Variants in RAD51D observed in about 807,000 individuals in gnomAD.
RAD51D encodes DNA repair protein RAD51 homolog 4.
A neutral mutation model predicts 44.1 loss-of-function variants in RAD51D; 38 were observed. The observed-to-expected ratio is 0.86, with a 90% CI of 0.67 to 1.13. RAD51D has a LOEUF of 1.13. Ranked by LOEUF, RAD51D falls within the 50% of genes most tolerant of loss-of-function variation. The pLI, the probability that RAD51D is intolerant of heterozygous loss-of-function variation, is 0.00. For missense variants in RAD51D, 390 were observed against 414.0 expected (o/e 0.94, Z 0.50); for synonymous variants, 141 against 166.6 (o/e 0.85, Z 1.18).
In RAD51D at chr17:35,095,916, G is replaced by C. The variant is rs922836729; in HGVS notation, c.*5037C>G. 6.6e-6 allele frequency: 1 copy of C among 152,156 alleles called. No homozygotes were observed. Among genetic ancestry groups the C allele is most frequent in the South Asian group, 2.1e-4 (1 of 4,822 alleles). 9.4% of individuals were successfully genotyped at this position (152,156 alleles called of 1,614,324 possible). A position where few individuals can be genotyped will look rare whatever the true frequency, so the allele number is the denominator to read the frequency against. On this transcript the variant is annotated 3_prime_UTR_variant, in exon 10 of 10. Transcript: ENST00000345365. The stretch of plus-strand genomic sequence containing the variant: ...TATACTTTTGTAACAGATTGCTGAG[G>C]CTCAGCCAATCACATCATCAGCTTC...
intron 3 of RAD51D, among the ~76,000 whole-genome samples, chr17:35,107,974 T>G (rs938838522): frequency 8.6e-5 from 13 of 151,806 alleles, no homozygotes; most frequent in African/African-American, 2.9e-4. Flanking sequence ...GGTCTCAAAC[T>G]CCTGACCTCA....
At chr17:35,112,847 G>A (rs1305582439) in intron 3 of RAD51D, among the ~76,000 whole-genome samples, 5 of 152,166 alleles carry the variant, frequency 3.3e-5, no homozygotes, top group Non-Finnish European at 5.9e-5. Context: ...AGAGCACCAT[G>A]GGGCAAGGAC....
rs2091476270 is a variant in RAD51D at position 35,094,650 on chromosome 17, T to A, written c.*6303A>T. 6.6e-6 allele frequency: 1 copy of A among 152,234 alleles called. No homozygotes were observed. The highest frequency in any genetic ancestry group is 1.5e-5 in the Non-Finnish European group (1 of 68,048). The allele number at this position is 152,234 out of a possible 1,614,324, so 9.4% of individuals were successfully genotyped here. On this transcript the variant is annotated 3_prime_UTR_variant, in exon 10 of 10. Transcript: ENST00000345365. ...AAAGAATTTTGTGGAAACATTTACA[T>A]ATTTACAGCAGAAGGCAGCGTGCAG...
At chr17:35,105,347 G>A (rs920672649) in intron 6 of RAD51D, among the ~76,000 whole-genome samples, 4 of 152,144 alleles carry the variant, frequency 2.6e-5, no homozygotes, top group African/African-American at 9.7e-5. Flanking sequence ...CTAAGGTACA[G>A]TGGTATGATC....
Position 35,119,691 on chromosome 17 carries a change from C to T in RAD51D, c.-78G>A. The T allele has an allele frequency of 1.4e-6, 2 of 1,427,560 alleles. No individual in the cohort carries two copies. Among genetic ancestry groups the T allele is most frequent in the Middle Eastern group, 1.7e-4 (1 of 5,718 alleles). 88.4% of individuals were successfully genotyped at this position (1,427,560 alleles called of 1,614,324 possible). A position where few individuals can be genotyped will look rare whatever the true frequency, so the allele number is the denominator to read the frequency against. On this transcript the variant is annotated 5_prime_UTR_variant, in exon 1 of 10. Coordinates refer to ENST00000345365, the MANE Select transcript of RAD51D (RefSeq NM_002878.4). ...CGCGGGGGGTCCTCTCCAGACGCCC[C>T]TCCCCTACCCCTTCCTAGAGAGGAC...
chr17:35,118,733 G>T, intron 2 of RAD51D, 114 bp from the exon 3 acceptor site: 2 of 851,116 alleles, frequency 2.3e-6, no homozygotes, highest in African/African-American at 1.7e-5. Context: ...CTTTGGCTTG[G>T]GATGGACTTT....
chr17:35,118,247 A>G (rs1159211582), intron 3 of RAD51D, among the ~76,000 whole-genome samples: 1 of 152,112 alleles, frequency 6.6e-6, no homozygotes, highest in East Asian at 1.9e-4. Flanking sequence ...GCTGCTAAAC[A>G]TCCTACACTG....
chr17:35,103,566 A>T lies in RAD51D; in HGVS notation c.577-22T>A. The T allele has an allele frequency of 1.3e-6, 2 of 1,590,958 alleles. No individual in the cohort carries two copies. Among genetic ancestry groups the T allele is most frequent in the Non-Finnish European group, 1.7e-6 (2 of 1,159,028 alleles). On this transcript the variant is annotated intron_variant, in intron 6 of 9. Transcript: ENST00000345365. This position sits in a 1 kb window ranked among gnomAD's most constrained non-coding sequence, Gnocchi z 4.1. ...TCACCTGAAGGAATGTGGGGGAAGC[A>T]CTCATGAACCTGTCAGCCTCTAGGA...
At chr17:35,116,586 C>A (rs755660402) in intron 3 of RAD51D, among the ~76,000 whole-genome samples, 41 of 152,208 alleles carry the variant, frequency 2.7e-4, no homozygotes, top group Non-Finnish European at 5.0e-4. Flanking sequence ...GCTCCGCTTC[C>A]CGGGTTCATG....
intron 3 of RAD51D, among the ~76,000 whole-genome samples, chr17:35,117,856 AT>A (rs1172789920): frequency 6.6e-6 from 1 of 152,116 alleles, no homozygotes; most frequent in African/African-American, 2.4e-5. Context: ...GATGTGGTGA[AT>A]AAGTTCTGGG....
Position 35,101,269 on chromosome 17 carries a change from C to T in RAD51D, c.835G>A (p.Asp279Asn), listed in dbSNP as rs765271127. 2.5e-5 allele frequency: 41 copies of T among 1,614,044 alleles called. No individual in the cohort carries two copies. The South Asian group carries it at 2.7e-4, about 11-fold the overall frequency. ...GATGCTCCTGCTCCCTCGATGGTGT[C>T]CAGGAGAATCCGAGTGCTGGGCACA... ...SFVPSTRILL[D>N]TIEGAGASGG... The change falls in exon 9 of 10, where the codon GAC becomes AAC. Residue 279 changes from aspartate to asparagine, a missense_variant. Transcript: ENST00000345365.
rs1404508526 is a variant in RAD51D, at chr17:35,099,664, C to G, written c.*1289G>C. On this transcript the variant is annotated 3_prime_UTR_variant, in exon 10 of 10. Transcript: ENST00000345365. The stretch of plus-strand genomic sequence containing the variant: ...CATTCATCACCTCTAAATGTCATTA[C>G]TTTCTGAGTGTAACTCGGACCCTCC... 5 of 380,816 alleles carry G rather than the reference C, an allele frequency of 1.3e-5. No individual in the cohort carries two copies. The highest frequency in any genetic ancestry group is 1.1e-4 in the African/African-American group (5 of 47,436). 23.6% of individuals were successfully genotyped at this position (380,816 alleles called of 1,614,324 possible). A position where few individuals can be genotyped will look rare whatever the true frequency, so the allele number is the denominator to read the frequency against.
rs1036240302 is a variant in RAD51D at position 35,099,891 on chromosome 17, A to G, written c.*1062T>C. 5.8e-6 allele frequency: 3 copies of G among 518,422 alleles called. No homozygotes were observed. The highest frequency in any genetic ancestry group is 1.9e-5 in the African/African-American group (1 of 52,942). 32.1% of individuals were successfully genotyped at this position (518,422 alleles called of 1,614,324 possible). ...CGGATGGCCACAGTGCTGGTGAAAG[A>G]CAGAGGGATTATTTCATACACTAGG... On this transcript the variant is annotated 3_prime_UTR_variant, in exon 10 of 10. Transcript: ENST00000345365.
At chr17:35,112,852 A>G (rs947972187) in intron 3 of RAD51D, among the ~76,000 whole-genome samples, 1 of 152,234 alleles carries the variant, frequency 6.6e-6, no homozygotes, top group Non-Finnish European at 1.5e-5. Context: ...ACCATGGGGC[A>G]AGGACTGGGT....
Position 35,099,817 on chromosome 17 carries a change from C to T in RAD51D, c.*1136G>A, listed in dbSNP as rs759664000. On this transcript the variant is annotated 3_prime_UTR_variant, in exon 10 of 10. Transcript: ENST00000345365. ...TTTCTGTACTTTTCCTTTTATTTTC[C>T]ATTCCCTGGTGTCTTCGTCCCCTCC... The T allele has an allele frequency of 2.0e-6, 1 of 488,690 alleles. No individual in the cohort carries two copies. The highest frequency in any genetic ancestry group is 1.6e-5 in the South Asian group (1 of 63,810). 30.3% of individuals were successfully genotyped at this position (488,690 alleles called of 1,614,324 possible).
chr17:35,114,812 C>T (rs1397873289), intron 3 of RAD51D, among the ~76,000 whole-genome samples: 1 of 152,180 alleles, frequency 6.6e-6, no homozygotes, highest in African/African-American at 2.4e-5. Flanking sequence ...TCAGGTGACT[C>T]CAATGGGCAC....
intron 3 of RAD51D, 97 bp from the exon 4 acceptor site, chr17:35,107,544 G>T: frequency 3.0e-6 from 3 of 1,015,126 alleles, no homozygotes; most frequent in South Asian, 1.3e-5. Flanking sequence ...TTCAAGCACT[G>T]GTTCTGTCTT....
chr17:35,101,512 T>C (rs1404305356), intron 8 of RAD51D, 147 bp from the exon 9 acceptor site: 5 of 881,170 alleles, frequency 5.7e-6, no homozygotes, highest in Non-Finnish European at 9.1e-6. Context: ...GGTCTGGAAC[T>C]AGAACCTGGG....
Position 35,100,583 on chromosome 17 carries a change from C to G in RAD51D, c.*370G>C. The G allele has an allele frequency of 1.8e-6, 1 of 551,830 alleles. No homozygotes were observed. Among genetic ancestry groups the G allele is most frequent in the Non-Finnish European group, 3.5e-6 (1 of 289,084 alleles). The allele number at this position is 551,830 out of a possible 1,614,324, so 34.2% of individuals were successfully genotyped here. A position where few individuals can be genotyped will look rare whatever the true frequency, so the allele number is the denominator to read the frequency against. On this transcript the variant is annotated 3_prime_UTR_variant, in exon 10 of 10. Coordinates refer to ENST00000345365, the MANE Select transcript of RAD51D (RefSeq NM_002878.4). ...GTTAGAGGCTTTCCCGGCTTGGCCA[C>G]TGCGCTAGGAGGGAGCACAGGACAC... is the stretch of plus-strand genomic sequence containing the variant.
Sources: allele counts gnomAD v4.1 joint callset (sites outside exome capture counted in the v4.1 genomes callset), GRCh38; gene constraint gnomAD v4.1.1; non-coding constraint Gnocchi (gnomAD v3.1); transcripts MANE v1.5; gene names NCBI Gene and HGNC (gene_info 2026-07-23, HGNC 2026-07-21).